RBMS3: variants seen among roughly 807,000 people sequenced by gnomAD.
RBMS3 encodes RNA-binding motif, single-stranded-interacting protein 3.
In RBMS3, 27 loss-of-function variants were observed where a neutral mutation model predicts 66.8. That is an observed-to-expected ratio of 0.40 (90% confidence interval 0.30 to 0.56). The LOEUF (loss-of-function observed/expected upper bound fraction) is 0.56. RBMS3 is among the 20% of genes least tolerant of loss of function. RBMS3 has a pLI of 0.40. For missense variants in RBMS3, 513 were observed against 549.5 expected, an observed-to-expected ratio of 0.93 and a Z score of 0.66; for synonymous variants, 188 against 183.0, an observed-to-expected ratio of 1.03 and a Z score of -0.22.
chr3:29,696,303 G>A (rs9845640), intron 4 of RBMS3, among the ~76,000 whole-genome samples: 17,982 of 152,098 alleles, frequency 0.12, 2,273 homozygotes, highest in African/African-American at 0.32. Flanking sequence ...TACAGATTAT[G>A]GTGCCAATCT....
intron 10 of RBMS3, among the ~76,000 whole-genome samples, chr3:29,922,035 A>T (rs1296232784): frequency 6.6e-6 from 1 of 151,990 alleles, no homozygotes; most frequent in Non-Finnish European, 1.5e-5. Context: ...ATTTCAGACT[A>T]AAAAAAAGAC....
chr3:29,777,039 A>G (rs952232586), intron 6 of RBMS3, among the ~76,000 whole-genome samples: 2 of 151,848 alleles, frequency 1.3e-5, no homozygotes, highest in African/African-American at 4.8e-5. Context: ...AATTTGTATG[A>G]TCCCAAACTT....
chr3:29,943,587 C>T (rs184181486), intron 11 of RBMS3, among the ~76,000 whole-genome samples: 10 of 151,852 alleles, frequency 6.6e-5, no homozygotes, highest in East Asian at 3.9e-4. Context: ...ATAACCGTCA[C>T]GTTCAATAGA....
intron 3 of RBMS3, among the ~76,000 whole-genome samples, chr3:29,517,734 G>A (rs550591625): frequency 2.5e-3 from 379 of 152,208 alleles, no homozygotes; most frequent in Middle Eastern, 6.8e-3. Flanking sequence ...TTTGTTAGCT[G>A]TTTTATCTTA....
chr3:29,915,031 C>T (rs1312646003), intron 10 of RBMS3, among the ~76,000 whole-genome samples: 2 of 151,612 alleles, frequency 1.3e-5, no homozygotes, highest in Non-Finnish European at 3.0e-5. Context: ...AAAAGTCCAC[C>T]GTTTATTTAT....
intron 3 of RBMS3, among the ~76,000 whole-genome samples, chr3:29,551,420 T>G (rs1163435890): frequency 6.6e-6 from 1 of 152,220 alleles, no homozygotes; most frequent in East Asian, 1.9e-4. Context: ...TTAGATGTAT[T>G]CGCTTATGCT....
At chr3:29,716,498 G>A (rs1212647822) in intron 4 of RBMS3, among the ~76,000 whole-genome samples, 4 of 152,154 alleles carry the variant, frequency 2.6e-5, no homozygotes, top group African/African-American at 9.7e-5. Flanking sequence ...ACCACCCATA[G>A]ATAACCATTA....
intron 4 of RBMS3, among the ~76,000 whole-genome samples, chr3:29,688,564 A>ATTTTTTTTTTTTTTTTTTTTTTTTTTT (rs55943638): frequency 1.5e-5 from 1 of 67,118 alleles, no homozygotes; most frequent in African/African-American, 7.7e-5. Context: ...AAGTTACAGG[A>ATTTTTTTTTTTTTTTTTTTTTTTTTTT]TTTTTTTTTT....
intron 4 of RBMS3, among the ~76,000 whole-genome samples, chr3:29,723,540 T>A (rs1449395917): frequency 6.6e-6 from 1 of 152,158 alleles, no homozygotes; most frequent in Admixed American, 6.6e-5. Flanking sequence ...TAAATAGAGC[T>A]AAGAAGGTGA....
At chr3:29,816,522 T>C (rs35831867) in intron 6 of RBMS3, among the ~76,000 whole-genome samples, 58,477 of 151,934 alleles carry the variant, frequency 0.38, 11,930 homozygotes, top group Non-Finnish European at 0.47. Flanking sequence ...TTTTTGTTAA[T>C]TGGCACAACC....
chr3:29,826,331 T>A (rs1010092867), intron 6 of RBMS3, among the ~76,000 whole-genome samples: 1 of 152,152 alleles, frequency 6.6e-6, no homozygotes, highest in African/African-American at 2.4e-5. Flanking sequence ...ATCAGAAATA[T>A]CCTTTTTTAT....
chr3:29,385,123 G>C (rs1430467847), intron 1 of RBMS3, among the ~76,000 whole-genome samples: 2 of 152,154 alleles, frequency 1.3e-5, no homozygotes, highest in Non-Finnish European at 2.9e-5. Flanking sequence ...TTACCTGATG[G>C]TGTTTAGTAT....
intron 10 of RBMS3, among the ~76,000 whole-genome samples, chr3:29,920,392 A>T (rs147060669): frequency 6.6e-6 from 1 of 152,208 alleles, no homozygotes; most frequent in Non-Finnish European, 1.5e-5. Context: ...GGTTTAAAAG[A>T]ATGCCAAACT....
chr3:29,378,467 G>A (rs369498437), intron 1 of RBMS3, among the ~76,000 whole-genome samples: 14 of 137,936 alleles, frequency 1.0e-4, no homozygotes, highest in South Asian at 5.1e-4. Flanking sequence ...GTGAGACTCC[G>A]TCTCAAAAAA....
At chr3:29,661,894 C>T (rs79771331) in intron 4 of RBMS3, among the ~76,000 whole-genome samples, 3,582 of 152,234 alleles carry the variant, frequency 0.024, 52 homozygotes, top group Admixed American at 0.033. Context: ...TGGTGAAGCT[C>T]CCAGAGCCTG....
intron 4 of RBMS3, among the ~76,000 whole-genome samples, chr3:29,587,411 C>T (rs2047571596): frequency 6.6e-6 from 1 of 151,408 alleles, no homozygotes; most frequent in African/African-American, 2.4e-5. Context: ...TAAGAAACTC[C>T]ACATTAGGTT....
chr3:29,384,632 T>C (rs2038927279), intron 1 of RBMS3, among the ~76,000 whole-genome samples: 1 of 152,142 alleles, frequency 6.6e-6, no homozygotes, highest in Admixed American at 6.5e-5. Flanking sequence ...TAATGATAAT[T>C]TGATGCCTTA....
intron 6 of RBMS3, among the ~76,000 whole-genome samples, chr3:29,865,102 G>A (rs147427868): frequency 1.1e-5 from 1 of 94,014 alleles, no homozygotes; most frequent in East Asian, 3.9e-4. Context: ...GGGAGGGAGG[G>A]AGGGAGGAAG....
At chr3:29,540,134 C>T (rs1477814196) in intron 3 of RBMS3, among the ~76,000 whole-genome samples, 1 of 152,152 alleles carries the variant, frequency 6.6e-6, no homozygotes, top group Non-Finnish European at 1.5e-5. Context: ...AACTACCATG[C>T]ACTTAAGTAT....
Sources: gnomAD v4.1 joint callset for allele counts (sites outside exome capture counted in the v4.1 genomes callset) on GRCh38, gnomAD v4.1.1 for gene constraint, MANE v1.5 for transcripts, NCBI Gene and HGNC (gene_info 2026-07-23, HGNC 2026-07-21) for gene names.